AR: variants seen among roughly 807,000 people sequenced by gnomAD.
The protein encoded by AR is dihydrotestosterone receptor.
A neutral mutation model predicts 53.9 loss-of-function variants in AR; 8 were observed. The observed-to-expected ratio is 0.15, with a 90% CI of 0.09 to 0.27. The LOEUF is 0.27. Ranked by LOEUF, AR falls within the 10% of genes least tolerant of loss-of-function variation. The probability of loss-of-function intolerance (pLI) is 1.00; values close to 1 mark genes in which losing one functional copy is unlikely to be tolerated. For missense variants in AR, 639 were observed against 742.5 expected (o/e 0.86, Z 1.62); for synonymous variants, 359 against 316.4 (o/e 1.13, Z -1.43).
intron 1 of AR, among the ~76,000 whole-genome samples, chrX:67,631,836 T>A (rs1350942386): frequency 2.7e-5 from 3 of 112,129 alleles, no homozygotes; most frequent in African/African-American, 9.8e-5. Context: ...GTCCTTTCTG[T>A]TTTTTAGTTT....
chrX:67,615,049 G>A (rs1245382780), intron 1 of AR, among the ~76,000 whole-genome samples: 2 of 109,347 alleles, frequency 1.8e-5, no homozygotes, highest in Non-Finnish European at 3.8e-5. Flanking sequence ...CATTTTGAAG[G>A]GTAGAAAGAA....
intron 1 of AR, among the ~76,000 whole-genome samples, chrX:67,571,362 C>T (rs917596336): frequency 9.0e-6 from 1 of 111,469 alleles, no homozygotes; most frequent in African/African-American, 3.3e-5. Context: ...CCCAGTGTAT[C>T]TGTGGTGCTT....
chrX:67,571,526 C>T (rs931281992), intron 1 of AR, among the ~76,000 whole-genome samples: 1 of 111,493 alleles, frequency 9.0e-6, no homozygotes, highest in African/African-American at 3.3e-5. Context: ...TCAGTAGAAA[C>T]ATGTAAGTTG....
chrX:67,621,756 A>T (rs1276833634), intron 1 of AR, among the ~76,000 whole-genome samples: 2 of 111,779 alleles, frequency 1.8e-5, no homozygotes, highest in African/African-American at 3.3e-5. Context: ...CAATTAAATC[A>T]GAATACAGAA....
At chrX:67,674,478 C>T (rs936906790) in intron 2 of AR, among the ~76,000 whole-genome samples, 1 of 110,787 alleles carries the variant, frequency 9.0e-6, no homozygotes, top group Non-Finnish European at 1.9e-5. Context: ...GCCAAGGCCT[C>T]GAGCTGTGAC....
At position 67,695,251 on chromosome X, in the gene AR, C is replaced by A; in HGVS notation, c.1885+9125C>A. 4 of 754,120 alleles carry A rather than the reference C, an allele frequency of 5.3e-6. No individual in the cohort carries two copies. The South Asian group carries it at 2.7e-4, about 51-fold the overall frequency. 62.1% of individuals were successfully genotyped at this position (754,120 alleles called of 1,213,427 possible). A position where few individuals can be genotyped will look rare whatever the true frequency, so the allele number is the denominator to read the frequency against. On this transcript the variant is annotated intron_variant, in intron 3 of 7. Transcript: ENST00000374690. Reference sequence around the variant, plus strand: ...TTCGTATTTCCCCCTTAGGTTCTAGCCTTCTGGATCCCAGCCAGTGACCTA... The same window carrying A: ...TTCGTATTTCCCCCTTAGGTTCTAGACTTCTGGATCCCAGCCAGTGACCTA...
intron 2 of AR, among the ~76,000 whole-genome samples, chrX:67,643,652 T>C (rs1449009754): frequency 8.9e-6 from 1 of 111,926 alleles, no homozygotes; most frequent in Non-Finnish European, 1.9e-5. Context: ...TGGGGCTCAG[T>C]GGGTCCTAGA....
chrX:67,546,291 A>C lies in AR; in HGVS notation c.1145A>C (p.His382Pro), dbSNP rs1452072985. The C allele has an allele frequency of 1.7e-6, 2 of 1,198,996 alleles. No homozygotes were observed. Among genetic ancestry groups the C allele is most frequent in the Non-Finnish European group, 1.1e-6 (1 of 890,020 alleles). The change falls in exon 1 of 8, where the codon CAT becomes CCT. Residue 382 changes from histidine (H) to proline (P), a missense_variant. His to Pro is a moderately conservative substitution (Grantham distance 77). Around this residue, in one of 5 missense-constraint regions of AR, gnomAD observed 423 missense variants for 377.0 expected, o/e 1.12. Transcript: ENST00000374690. ...AGPPPPPPPP[H>P]PHARIKLENP... ...CCGCCGCCCCCTCCGCCGCCTCCCC[A>C]TCCCCACGCTCGCATCAAGCTGGAG...
At chrX:67,685,066 G>A (rs2075958312) in intron 2 of AR, among the ~76,000 whole-genome samples, 1 of 111,394 alleles carries the variant, frequency 9.0e-6, no homozygotes, top group South Asian at 3.8e-4. Context: ...AGAAGCTGAA[G>A]CTGGAGCACG....
intron 1 of AR, among the ~76,000 whole-genome samples, chrX:67,627,641 T>C (rs769516921): frequency 8.9e-6 from 1 of 111,980 alleles, no homozygotes; most frequent in South Asian, 3.7e-4. Context: ...TTGAATTAGA[T>C]CCCATTTGTC....
chrX:67,668,825 G>A (rs773756813), intron 2 of AR, among the ~76,000 whole-genome samples: 1 of 110,596 alleles, frequency 9.0e-6, no homozygotes, highest in Non-Finnish European at 1.9e-5. Context: ...TTTCTTCTAG[G>A]TTTTCCAATG....
intron 2 of AR, among the ~76,000 whole-genome samples, chrX:67,666,364 C>T (rs1927261494): frequency 8.9e-6 from 1 of 111,805 alleles, no homozygotes; most frequent in South Asian, 3.7e-4. Flanking sequence ...TCCTCTAGTT[C>T]CATCCATGTT....
At chrX:67,616,321 T>C (rs1271556584) in intron 1 of AR, among the ~76,000 whole-genome samples, 1 of 110,509 alleles carries the variant, frequency 9.0e-6, no homozygotes, top group Admixed American at 9.7e-5. Context: ...ACATTAGGTA[T>C]TTCTCCTAAT....
intron 2 of AR, among the ~76,000 whole-genome samples, chrX:67,648,868 C>T (rs762105273): frequency 1.8e-4 from 20 of 111,970 alleles, no homozygotes; most frequent in Non-Finnish European, 2.6e-4. Flanking sequence ...TTCCTAGTCC[C>T]TTATTATTAT....
intron 2 of AR, among the ~76,000 whole-genome samples, chrX:67,675,632 C>T (rs1293399683): frequency 3.6e-5 from 4 of 111,804 alleles, no homozygotes; most frequent in Non-Finnish European, 7.5e-5. Context: ...CCCAAGCCTG[C>T]TCTGAACACC....
intron 2 of AR, among the ~76,000 whole-genome samples, chrX:67,652,860 G>A (rs1349753952): frequency 8.9e-6 from 1 of 111,990 alleles, no homozygotes; most frequent in Admixed American, 9.5e-5. Context: ...ACATTTCTTG[G>A]TGTGAGGATT....
chrX:67,706,137 G>T (rs975353352), intron 3 of AR, among the ~76,000 whole-genome samples: 3 of 111,725 alleles, frequency 2.7e-5, no homozygotes, highest in Admixed American at 9.5e-5. Flanking sequence ...CCAGGCTTTG[G>T]TATCAGGATG....
At chrX:67,673,930 C>T (rs886403779) in intron 2 of AR, among the ~76,000 whole-genome samples, 13 of 111,005 alleles carry the variant, frequency 1.2e-4, no homozygotes, top group African/African-American at 3.6e-4. Context: ...TACCTGCCCT[C>T]CTTGGGAGAC....
intron 2 of AR, chrX:67,681,145 T>C (rs968253216): frequency 2.2e-5 from 3 of 135,167 alleles, no homozygotes. Flanking sequence ...ACAATGACTT[T>C]TAGTGAGCCC....
Sources: gnomAD v4.1 joint callset for allele counts (sites outside exome capture counted in the v4.1 genomes callset) on GRCh38, gnomAD v4.1.1 for gene constraint, gnomAD v4.1.1 regional missense constraint, MANE v1.5 for transcripts, NCBI Gene and HGNC (gene_info 2026-07-23, HGNC 2026-07-21) for gene names.